SYNE1: variants seen among roughly 807,000 people sequenced by gnomAD.
The protein encoded by SYNE1 is nesprin-1.
SYNE1 carries 616 observed loss-of-function variants against 1,111.0 expected under a neutral mutation model. The observed-to-expected ratio is 0.55, with a 90% CI of 0.52 to 0.59. The LOEUF (loss-of-function observed/expected upper bound fraction) is 0.59. Ranked by LOEUF, SYNE1 falls within the 20% of genes least tolerant of loss-of-function variation. The pLI, the probability that SYNE1 is intolerant of heterozygous loss-of-function variation, is 0.00. For synonymous variants in SYNE1, 3,855 were observed against 3,825.8 expected (o/e 1.01, Z -0.28); for missense variants, 10,006 against 10,417.0 (o/e 0.96, Z 1.72).
chr6:152,232,876 C>T lies in SYNE1; in HGVS notation c.20713-611G>A, dbSNP rs193171795. On this transcript the variant is annotated intron_variant, in intron 112 of 145. Coordinates refer to ENST00000367255, the MANE Select transcript of SYNE1 (RefSeq NM_182961.4). ...ATCATTTAAAATCTTTGTATATCAA[C>T]TTCTGTGTGGTGCTGAAAGATATAG... Among the ~76,000 whole-genome samples, 735 of 152,314 alleles carry T rather than the reference C, an allele frequency of 4.8e-3. 2 individuals carry two copies. The highest frequency in any genetic ancestry group is 6.6e-3 in the Non-Finnish European group (451 of 68,020).
At chr6:152,431,552 GAA>G (rs1334031327) in intron 34 of SYNE1, among the ~76,000 whole-genome samples, 7 of 152,302 alleles carry the variant, frequency 4.6e-5, no homozygotes, top group Non-Finnish European at 5.9e-5. Context: ...CACAAACATA[GAA>G]GCTTGTTTGT....
intron 145 of SYNE1, among the ~76,000 whole-genome samples, chr6:152,125,003 A>G (rs2052860287): frequency 6.6e-6 from 1 of 152,218 alleles, no homozygotes; most frequent in Admixed American, 6.5e-5. Flanking sequence ...ATGATGTGAA[A>G]GAAAGCTCAG....
At chr6:152,221,137 G>T in intron 118 of SYNE1, 91 bp from the exon 119 acceptor site, 1 of 1,321,820 alleles carries the variant, frequency 7.6e-7, no homozygotes, top group Non-Finnish European at 1.1e-6. Flanking sequence ...CCTGGTTCAT[G>T]TGAATATAGA....
chr6:152,435,697 T>G (rs1160287251), intron 33 of SYNE1: 1 of 574,724 alleles, frequency 1.7e-6, no homozygotes, highest in Non-Finnish European at 3.1e-6. Flanking sequence ...AGATATGGCT[T>G]TCTCATGAAC....
Position 152,449,631 on chromosome 6 carries a change from A to AT in SYNE1, c.3405_3406insA (p.Phe1136IlefsTer9). ...TCATTTGTAGATATCCAAGATGAGA[A>AT]CTCAGAGAATCTGAAATAACATAAG... On this transcript the variant is annotated frameshift_variant, in exon 28 of 146. Transcript: ENST00000367255. LOFTEE classifies it high-confidence loss of function. 6.2e-7 allele frequency: 1 copy of AT among 1,612,560 alleles called. No individual in the cohort carries two copies. Among genetic ancestry groups the AT allele is most frequent in the Non-Finnish European group, 8.5e-7 (1 of 1,178,526 alleles).
At chr6:152,318,772 T>TA in intron 85 of SYNE1, 91 bp downstream of exon 85, 1 of 1,512,300 alleles carries the variant, frequency 6.6e-7, no homozygotes. Flanking sequence ...AAAAGGTTCC[T>TA]AAAAGGTTTT....
chr6:152,130,974 C>A (rs1253972059), intron 144 of SYNE1, among the ~76,000 whole-genome samples, 196 bp from the exon 145 acceptor site: 1 of 152,096 alleles, frequency 6.6e-6, no homozygotes, highest in African/African-American at 2.4e-5. Context: ...ATGTGATTAG[C>A]CACTGATAAA....
intron 24 of SYNE1, 71 bp downstream of exon 24, chr6:152,455,354 CT>C: frequency 9.1e-6 from 14 of 1,535,310 alleles, no homozygotes; most frequent in South Asian, 1.3e-5. Flanking sequence ...ATCAGCATGC[CT>C]TTTTTAAGCT....
At chr6:152,324,988 A>G (rs1026213187) in intron 81 of SYNE1, 96 bp downstream of exon 81, 5 of 1,413,062 alleles carry the variant, frequency 3.5e-6, no homozygotes, top group South Asian at 1.2e-5. Context: ...TATTACTTTC[A>G]TAAGGCTGAC....
chr6:152,410,595 C>T (rs1349350615), intron 42 of SYNE1, among the ~76,000 whole-genome samples: 2 of 152,044 alleles, frequency 1.3e-5, no homozygotes, highest in Admixed American at 6.6e-5. Flanking sequence ...ATCAGCCTGG[C>T]TTGGTGGCGC....
At chr6:152,508,634 G>T (rs956931119) in intron 8 of SYNE1, among the ~76,000 whole-genome samples, 1 of 152,174 alleles carries the variant, frequency 6.6e-6, no homozygotes, top group Non-Finnish European at 1.5e-5. Flanking sequence ...ATAGCATCGT[G>T]ACACATCAGT....
At chr6:152,591,034 C>A (rs1332913961) in intron 3 of SYNE1, among the ~76,000 whole-genome samples, 2 of 151,998 alleles carry the variant, frequency 1.3e-5, no homozygotes, top group East Asian at 1.9e-4. Context: ...AATGTTTTTC[C>A]ATTTATTTAT....
At chr6:152,511,170 A>T in intron 6 of SYNE1, 67 bp from the exon 7 acceptor site, 2 of 1,400,248 alleles carry the variant, frequency 1.4e-6, no homozygotes, top group Non-Finnish European at 2.0e-6. Context: ...ATTATGTAAC[A>T]ATTAGGCCTT....
At chr6:152,411,613 A>C (rs1488846134) in intron 42 of SYNE1, among the ~76,000 whole-genome samples, 1 of 152,226 alleles carries the variant, frequency 6.6e-6, no homozygotes. Flanking sequence ...GTTCAACGTC[A>C]GTCATCAGGG....
At chr6:152,378,589 C>T (rs540658007) in intron 56 of SYNE1, among the ~76,000 whole-genome samples, 24 of 152,276 alleles carry the variant, frequency 1.6e-4, no homozygotes, top group African/African-American at 5.1e-4. Context: ...CTACATCCTC[C>T]TAATCTGATT....
chr6:152,279,284 A>AT (rs2093869118), intron 97 of SYNE1, among the ~76,000 whole-genome samples: 2 of 151,218 alleles, frequency 1.3e-5, no homozygotes, highest in African/African-American at 4.8e-5. Context: ...AAACAAAAAA[A>AT]AGTTTTACTT....
At chr6:152,290,336 C>T (rs1231736751) in intron 95 of SYNE1, among the ~76,000 whole-genome samples, 1 of 152,198 alleles carries the variant, frequency 6.6e-6, no homozygotes, top group Non-Finnish European at 1.5e-5. Context: ...GTAAGTGGAT[C>T]ACCTGAGGTC....
At chr6:152,151,861 A>C in intron 134 of SYNE1, 98 bp downstream of exon 134, 1 of 1,521,298 alleles carries the variant, frequency 6.6e-7, no homozygotes, top group Non-Finnish European at 9.0e-7. Context: ...CTGCCATCCC[A>C]TTCTTACAAA....
At chr6:152,428,966 A>G (rs1264600396) in intron 36 of SYNE1, among the ~76,000 whole-genome samples, 2 of 152,012 alleles carry the variant, frequency 1.3e-5, no homozygotes, top group African/African-American at 4.8e-5. Flanking sequence ...ATTTTATGCT[A>G]AATACGTATT....
Sources: allele counts gnomAD v4.1 joint callset (sites outside exome capture counted in the v4.1 genomes callset), GRCh38; gene constraint gnomAD v4.1.1; transcripts MANE v1.5; gene names NCBI Gene and HGNC (gene_info 2026-07-23, HGNC 2026-07-21).